AKAP19: variants seen among roughly 807,000 people sequenced by gnomAD.
AKAP19 encodes A-kinase anchoring protein 19.
At chr2:189,999,451 A>G in the AKAP19 span, among the ~76,000 whole-genome samples, 2 of 151,980 alleles carry the variant, frequency 1.3e-5, no homozygotes, top group African/African-American at 2.4e-5. Flanking sequence ...ACTTTCTGTG[A>G]AAAAAAAGAT....
At chr2:190,083,781 T>C in the AKAP19 span, among the ~76,000 whole-genome samples, 1 of 152,168 alleles carries the variant, frequency 6.6e-6, no homozygotes, top group Non-Finnish European at 1.5e-5. Flanking sequence ...GAAAGTGGGA[T>C]GTCACTGCTG....
the AKAP19 span, among the ~76,000 whole-genome samples, chr2:189,955,769 A>T: frequency 3.9e-5 from 6 of 152,222 alleles, no homozygotes; most frequent in African/African-American, 1.4e-4. Flanking sequence ...CACAAAATTT[A>T]CCATAAACAC....
chr2:190,156,041 GA>G, the AKAP19 span, among the ~76,000 whole-genome samples: 1 of 152,038 alleles, frequency 6.6e-6, no homozygotes, highest in Non-Finnish European at 1.5e-5. Flanking sequence ...ATGTAAAAAG[GA>G]AAACTGGTGA....
the AKAP19 span, among the ~76,000 whole-genome samples, chr2:189,992,519 C>T: frequency 4.6e-5 from 4 of 86,676 alleles, no homozygotes; most frequent in East Asian, 1.4e-3. Context: ...CTTTTTGGTT[C>T]CATATAAATT....
chr2:190,130,645 C>G, the AKAP19 span, among the ~76,000 whole-genome samples: 1 of 152,154 alleles, frequency 6.6e-6, no homozygotes, highest in South Asian at 2.1e-4. Flanking sequence ...AAAATAAAGC[C>G]TCCTGAGGAT....
chr2:190,107,337 A>G, the AKAP19 span, among the ~76,000 whole-genome samples: 1 of 152,354 alleles, frequency 6.6e-6, no homozygotes, highest in East Asian at 1.9e-4. Context: ...AAATTTAAAA[A>G]GAAATTCAAA....
the AKAP19 span, among the ~76,000 whole-genome samples, chr2:190,032,426 T>TA: frequency 1.3e-5 from 2 of 152,180 alleles, no homozygotes; most frequent in African/African-American, 2.4e-5. Flanking sequence ...GGATCGTGTG[T>TA]AAACTGAAGT....
chr2:189,980,529 C>T, the AKAP19 span, among the ~76,000 whole-genome samples: 57 of 151,866 alleles, frequency 3.8e-4, no homozygotes, highest in African/African-American at 1.1e-3. Context: ...GAGATGGGGT[C>T]TCACCATGTT....
At chr2:190,018,953 T>G in the AKAP19 span, among the ~76,000 whole-genome samples, 3 of 152,158 alleles carry the variant, frequency 2.0e-5, no homozygotes, top group African/African-American at 7.2e-5. Flanking sequence ...CGGGCAGAGC[T>G]GATGGCTGGA....
At chr2:189,998,746 C>T in the AKAP19 span, among the ~76,000 whole-genome samples, 1 of 137,230 alleles carries the variant, frequency 7.3e-6, no homozygotes, top group African/African-American at 2.7e-5. Flanking sequence ...TTTTACTTTT[C>T]TCTTCTTTCT....
At chr2:189,931,551 T>G in the AKAP19 span, among the ~76,000 whole-genome samples, 1 of 152,190 alleles carries the variant, frequency 6.6e-6, no homozygotes, top group East Asian at 1.9e-4. Flanking sequence ...TTGTGTGTGG[T>G]GACAGGGTCT....
At chr2:190,040,419 C>A in the AKAP19 span, among the ~76,000 whole-genome samples, 1 of 152,130 alleles carries the variant, frequency 6.6e-6, no homozygotes, top group Non-Finnish European at 1.5e-5. Context: ...GGATATTAGA[C>A]TTTTGTCAGA....
the AKAP19 span, among the ~76,000 whole-genome samples, chr2:189,957,133 C>T: frequency 1.3e-5 from 2 of 152,102 alleles, no homozygotes; most frequent in South Asian, 2.1e-4. Context: ...CGAGATCGCG[C>T]CACTGCACTC....
chr2:190,075,946 C>A, the AKAP19 span, among the ~76,000 whole-genome samples: 1 of 152,060 alleles, frequency 6.6e-6, no homozygotes, highest in East Asian at 1.9e-4. Context: ...TTTATCTCCA[C>A]TATTGATTTA....
chr2:189,896,131 G>T, the AKAP19 span, among the ~76,000 whole-genome samples: 1 of 151,860 alleles, frequency 6.6e-6, no homozygotes, highest in Admixed American at 6.6e-5. Context: ...AGAAGAATTT[G>T]ACTTTCTTGA....
At chr2:190,199,545 T>G in the AKAP19 span, among the ~76,000 whole-genome samples, 1 of 152,250 alleles carries the variant, frequency 6.6e-6, no homozygotes, top group Non-Finnish European at 1.5e-5. Context: ...TGAGTGATTA[T>G]CTTTTTCTTC....
the AKAP19 span, among the ~76,000 whole-genome samples, chr2:190,065,136 A>G: frequency 1.3e-5 from 2 of 151,972 alleles, no homozygotes; most frequent in African/African-American, 4.8e-5. Flanking sequence ...ATGTTTTCAC[A>G]TATTTTGTGC....
chr2:189,973,217 C>A, the AKAP19 span, among the ~76,000 whole-genome samples: 1 of 152,042 alleles, frequency 6.6e-6, no homozygotes, highest in Non-Finnish European at 1.5e-5. Flanking sequence ...TGTCAAAGGC[C>A]TTTTCTGCAT....
the AKAP19 span, chr2:190,200,605 A>G: frequency 1.7e-5 from 3 of 177,086 alleles, no homozygotes; most frequent in Non-Finnish European, 4.1e-5. Context: ...AGTGATTAAC[A>G]GTAAGTCTTG....
Sources: gnomAD v4.1 joint callset for allele counts (sites outside exome capture counted in the v4.1 genomes callset) on GRCh38, gnomAD v4.1.1 for gene constraint, MANE v1.5 for transcripts, NCBI Gene and HGNC (gene_info 2026-07-23, HGNC 2026-07-21) for gene names.